The following HTR3C variants were observed in gnomAD, a reference collection of about 807,000 sequenced individuals.
HTR3C encodes 5-HT3-C.
A neutral mutation model predicts 40.5 loss-of-function variants in HTR3C; 32 were observed. The observed-to-expected ratio is 0.79, with a 90% confidence interval of 0.60 to 1.06. HTR3C has a LOEUF of 1.06. Among genes scored for constraint, HTR3C ranks in the 50% least tolerant of loss-of-function variants. The pLI is 0.00. For synonymous variants in HTR3C, 209 were observed against 217.1 expected (o/e 0.96, Z 0.33); for missense variants, 523 against 556.8 (o/e 0.94, Z 0.61).
chr3:184,059,208 G>T (rs1723390617), intron 6 of HTR3C, among the ~76,000 whole-genome samples: 1 of 152,078 alleles, frequency 6.6e-6, no homozygotes, highest in Admixed American at 6.6e-5. Context: ...GGGCCCACTT[G>T]CACCTAAAAT....
intron 4 of HTR3C, among the ~76,000 whole-genome samples, chr3:184,056,628 A>G (rs891238325): frequency 6.6e-6 from 1 of 152,166 alleles, no homozygotes; most frequent in Admixed American, 6.5e-5. Flanking sequence ...ATCCCTGTAA[A>G]TCCCAGCTAC....
chr3:184,059,020 C>T (rs1488844955), intron 6 of HTR3C, among the ~76,000 whole-genome samples: 1 of 152,048 alleles, frequency 6.6e-6, no homozygotes, highest in Non-Finnish European at 1.5e-5. Context: ...CACCTGCTCC[C>T]CACTGCCCCA....
At chr3:184,056,125 G>T (rs752545082) in intron 3 of HTR3C, 52 bp from the exon 4 acceptor site, 61 of 1,206,320 alleles carry the variant, frequency 5.1e-5, no homozygotes, top group Non-Finnish European at 6.9e-5. Context: ...GGGAGAGGCC[G>T]ACAGGACAAG....
intron 1 of HTR3C, among the ~76,000 whole-genome samples, chr3:184,053,761 TG>T (rs1198282466): frequency 6.7e-6 from 1 of 149,670 alleles, no homozygotes; most frequent in African/African-American, 2.5e-5. Context: ...TTGTTGTTGT[TG>T]TTTGTTTTTT....
At chr3:184,053,848 G>A (rs141466167) in intron 1 of HTR3C, among the ~76,000 whole-genome samples, 9,623 of 152,212 alleles carry the variant, frequency 0.063, 359 homozygotes, top group African/African-American at 0.097. Context: ...TCCGCCTCTC[G>A]GGTTTGAGCG....
At chr3:184,054,641 T>A in intron 1 of HTR3C, 80 bp from the exon 2 acceptor site, 1 of 1,236,664 alleles carries the variant, frequency 8.1e-7, no homozygotes, top group Admixed American at 2.6e-5. Flanking sequence ...TCTCAGTACG[T>A]CCCCTATTTT....
intron 4 of HTR3C, 53 bp downstream of exon 4, chr3:184,056,339 C>A: frequency 7.9e-7 from 1 of 1,267,226 alleles, no homozygotes; most frequent in Non-Finnish European, 1.2e-6. Context: ...CCGAGAACAG[C>A]CTAGGGTCAG....
chr3:184,056,868 C>G lies in HTR3C; in HGVS notation c.390-7C>G. On this transcript the variant is annotated splice_region_variant and splice_polypyrimidine_tract_variant and intron_variant, in intron 4 of 8. Transcript: ENST00000318351. ...GCCTCCATCTCTTCCCTCCCTTCCC[C>G]AAACAGCATGGATGTGGATCAGACG... 1 of 1,589,880 alleles carries G rather than the reference C, an allele frequency of 6.3e-7. No individual in the cohort carries two copies. The highest frequency in any genetic ancestry group is 1.1e-5 in the South Asian group (1 of 88,230).
intron 4 of HTR3C, among the ~76,000 whole-genome samples, chr3:184,056,603 C>T (rs923196408): frequency 6.6e-6 from 1 of 152,092 alleles, no homozygotes; most frequent in Admixed American, 6.6e-5. Flanking sequence ...CAAAATTAGC[C>T]AGGTGTGGTG....
intron 1 of HTR3C, among the ~76,000 whole-genome samples, chr3:184,054,337 C>T (rs573914174): frequency 1.3e-4 from 20 of 152,254 alleles, no homozygotes; most frequent in African/African-American, 4.8e-4. Flanking sequence ...ACATTAGCAT[C>T]GATTTTTAGG....
intron 3 of HTR3C, 106 bp downstream of exon 3, chr3:184,055,462 C>T (rs56333453): frequency 0.12 from 101,689 of 855,580 alleles, 6,529 homozygotes; most frequent in Middle Eastern, 0.18. Context: ...GCCTGTAATC[C>T]CAGCACTTTG....
intron 5 of HTR3C, 50 bp downstream of exon 5, chr3:184,057,094 G>A (rs762015517): frequency 7.8e-6 from 11 of 1,404,106 alleles, no homozygotes; most frequent in Non-Finnish European, 1.0e-5. Flanking sequence ...GAAGACATTT[G>A]AGTGGTGTAG....
chr3:184,058,352 TGG>T (rs1723372032), intron 5 of HTR3C, 73 bp from the exon 6 acceptor site: 11 of 1,445,552 alleles, frequency 7.6e-6, no homozygotes, highest in Non-Finnish European at 1.0e-5. Flanking sequence ...AGAAGCTCAG[TGG>T]GGGAGGACTC....
chr3:184,053,738 C>T (rs1253857464), intron 1 of HTR3C, among the ~76,000 whole-genome samples: 1 of 152,192 alleles, frequency 6.6e-6, no homozygotes, highest in South Asian at 2.1e-4. Flanking sequence ...ACCGGCCTCA[C>T]TTTGTGGTTT....
intron 2 of HTR3C, 117 bp from the exon 3 acceptor site, chr3:184,055,195 T>C (rs1723299874): frequency 7.8e-6 from 6 of 766,024 alleles, no homozygotes; most frequent in Middle Eastern, 4.7e-4. Flanking sequence ...GAAAAGACAA[T>C]TCAGCATCTA....
At chr3:184,057,521 T>C (rs1723352431) in intron 5 of HTR3C, among the ~76,000 whole-genome samples, 1 of 151,978 alleles carries the variant, frequency 6.6e-6, no homozygotes, top group African/African-American at 2.4e-5. Context: ...GAACACGAGG[T>C]CAGGAGATCG....
intron 3 of HTR3C, among the ~76,000 whole-genome samples, chr3:184,055,557 T>C (rs1723305796): frequency 6.6e-6 from 1 of 151,756 alleles, no homozygotes; most frequent in African/African-American, 2.4e-5. Context: ...CTAATAAAAA[T>C]ACAAAAATTA....
At chr3:184,058,265 T>C (rs906241665) in intron 5 of HTR3C, among the ~76,000 whole-genome samples, 162 bp from the exon 6 acceptor site, 1 of 152,212 alleles carries the variant, frequency 6.6e-6, no homozygotes, top group Non-Finnish European at 1.5e-5. Context: ...CACACACATA[T>C]GAATTGCTAG....
chr3:184,058,710 A>G (rs1723382187), intron 6 of HTR3C, 123 bp downstream of exon 6: 1 of 1,071,674 alleles, frequency 9.3e-7, no homozygotes, highest in Admixed American at 2.9e-5. Flanking sequence ...CACACCTGTA[A>G]TCCCAGTACT....
Sources: allele counts gnomAD v4.1 joint callset (sites outside exome capture counted in the v4.1 genomes callset), GRCh38; gene constraint gnomAD v4.1.1; transcripts MANE v1.5; gene names NCBI Gene and HGNC (gene_info 2026-07-23, HGNC 2026-07-21).